PTK2: variants seen among roughly 807,000 people sequenced by gnomAD.
PTK2 encodes focal adhesion kinase 1.
Under a neutral mutation model 150.1 loss-of-function variants are expected in PTK2, and 45 were observed. The ratio of observed to expected loss-of-function variants is 0.30; its 90% confidence interval spans 0.24 to 0.38. The LOEUF is 0.38. Ranked by LOEUF, PTK2 falls within the 10% of genes least tolerant of loss-of-function variation. The pLI is 1.00. For missense variants in PTK2, 919 were observed against 1,307.3 expected (o/e 0.70, Z 4.58); for synonymous variants, 432 against 449.2 (o/e 0.96, Z 0.48).
intron 16 of PTK2, among the ~76,000 whole-genome samples, chr8:140,757,365 T>C (rs982801236): frequency 1.3e-5 from 2 of 152,110 alleles, no homozygotes; most frequent in African/African-American, 2.4e-5. Context: ...CTGTGGAATA[T>C]AGACAATACA....
At chr8:140,960,626 G>A (rs2100182819) in intron 1 of PTK2, among the ~76,000 whole-genome samples, 1 of 152,180 alleles carries the variant, frequency 6.6e-6, no homozygotes, top group African/African-American at 2.4e-5. Context: ...GACTTATCAG[G>A]TGAACTACCA....
chr8:140,776,103 A>C (rs1047958630), intron 14 of PTK2, among the ~76,000 whole-genome samples: 1 of 152,220 alleles, frequency 6.6e-6, no homozygotes. Flanking sequence ...TCCCAGGTTC[A>C]AGTGATTCTC....
intron 14 of PTK2, among the ~76,000 whole-genome samples, chr8:140,772,393 T>C (rs2100075992): frequency 6.6e-6 from 1 of 152,068 alleles, no homozygotes; most frequent in Non-Finnish European, 1.5e-5. Flanking sequence ...GCCTCTGAAC[T>C]CCAGCCTGGC....
chr8:140,932,383 T>C (rs948235959), intron 1 of PTK2, among the ~76,000 whole-genome samples: 3 of 151,858 alleles, frequency 2.0e-5, no homozygotes, highest in Non-Finnish European at 4.4e-5. Context: ...CCCAGTTTAT[T>C]TTTGTATTTT....
At chr8:140,714,223 A>G (rs1320158925) in intron 23 of PTK2, among the ~76,000 whole-genome samples, 2 of 152,204 alleles carry the variant, frequency 1.3e-5, no homozygotes, top group Admixed American at 1.3e-4. Context: ...TGATTGGGAA[A>G]GAGAAAGACT....
chr8:140,722,337 C>T (rs905922467), intron 22 of PTK2, among the ~76,000 whole-genome samples: 4 of 152,222 alleles, frequency 2.6e-5, no homozygotes, highest in East Asian at 1.9e-4. Flanking sequence ...TTCAGTGGCA[C>T]GATCATTCCT....
At chr8:140,867,456 G>C (rs948707163) in intron 4 of PTK2, among the ~76,000 whole-genome samples, 1 of 152,136 alleles carries the variant, frequency 6.6e-6, no homozygotes, top group Non-Finnish European at 1.5e-5. Flanking sequence ...ACAATGATAC[G>C]AAGAAAAGGC....
chr8:140,679,003 GTTTTTTTTTTTTTTTTTTT>G (rs533089786), intron 27 of PTK2, among the ~76,000 whole-genome samples: 27 of 69,008 alleles, frequency 3.9e-4, no homozygotes, highest in East Asian at 2.3e-3. Context: ...TGCTCCCCAT[GTTTTTTTTTTTTTTTTTTT>G]TTTTTTTTTT....
chr8:140,661,457 C>T (rs964054974), intron 31 of PTK2, among the ~76,000 whole-genome samples: 77 of 152,244 alleles, frequency 5.1e-4, no homozygotes, highest in Non-Finnish European at 8.8e-5. Context: ...GGTGTTGTCA[C>T]TGACTGTGGA....
chr8:140,909,074 C>T (rs1447363879), intron 2 of PTK2: 1 of 153,466 alleles, frequency 6.5e-6, no homozygotes, highest in Non-Finnish European at 1.5e-5. Context: ...TGCCTGTAAT[C>T]CCAGCTACTT....
intron 29 of PTK2, among the ~76,000 whole-genome samples, chr8:140,672,530 T>G (rs2100011161): frequency 6.6e-6 from 1 of 152,150 alleles, no homozygotes; most frequent in South Asian, 2.1e-4. Context: ...GCACCAACCC[T>G]AAGGGCAGAG....
chr8:140,933,397 G>A (rs1299364196), intron 1 of PTK2, among the ~76,000 whole-genome samples: 3 of 152,228 alleles, frequency 2.0e-5, no homozygotes, highest in African/African-American at 7.2e-5. Context: ...CCTTTGGTAT[G>A]TATTTACCAA....
At chr8:140,876,472 A>G (rs1299228473) in intron 4 of PTK2, among the ~76,000 whole-genome samples, 1 of 152,228 alleles carries the variant, frequency 6.6e-6, no homozygotes, top group African/African-American at 2.4e-5. Flanking sequence ...TCTCTGGTAC[A>G]ACAATATTTT....
intron 17 of PTK2, among the ~76,000 whole-genome samples, chr8:140,747,777 G>A (rs1321163087): frequency 6.6e-5 from 9 of 136,420 alleles, no homozygotes; most frequent in Non-Finnish European, 1.4e-4. Flanking sequence ...GAAGGAAGGA[G>A]GAAGAGGGGG....
intron 31 of PTK2, among the ~76,000 whole-genome samples, chr8:140,661,816 C>CA (rs1255323117): frequency 6.6e-6 from 1 of 152,154 alleles, no homozygotes; most frequent in Non-Finnish European, 1.5e-5. Flanking sequence ...AGGGCTGTTA[C>CA]AGCAGAGAGA....
intron 23 of PTK2, 91 bp from the exon 27 acceptor site, chr8:140,706,296 G>A (rs2100033766): frequency 1.1e-6 from 1 of 913,594 alleles, no homozygotes; most frequent in Admixed American, 2.0e-5. Context: ...TCCTAATAGA[G>A]CTTACTTGAA....
At chr8:140,742,278 C>T (rs2100056175) in intron 20 of PTK2, among the ~76,000 whole-genome samples, 1 of 152,190 alleles carries the variant, frequency 6.6e-6, no homozygotes, top group African/African-American at 2.4e-5. Context: ...GATGGTGTGT[C>T]TACTGATTGA....
intron 5 of PTK2, among the ~76,000 whole-genome samples, chr8:140,862,959 T>C (rs1357800042): frequency 6.6e-6 from 1 of 152,166 alleles, no homozygotes; most frequent in Admixed American, 6.5e-5. Flanking sequence ...TGTGACTACT[T>C]CTTCACAGAC....
At chr8:140,705,519 C>T (rs150466230) in intron 24 of PTK2, among the ~76,000 whole-genome samples, 2 of 152,140 alleles carry the variant, frequency 1.3e-5, no homozygotes, top group African/African-American at 2.4e-5. Context: ...GTCACAGACA[C>T]GCTCTATATC....
Sources: gnomAD v4.1 joint callset for allele counts (sites outside exome capture counted in the v4.1 genomes callset) on GRCh38, gnomAD v4.1.1 for gene constraint, MANE v1.5 for transcripts, NCBI Gene and HGNC (gene_info 2026-07-23, HGNC 2026-07-21) for gene names.